Variants in HIRA observed in about 807,000 individuals in gnomAD.
The protein encoded by HIRA is histone cell cycle regulator, also known as protein HIRA.
HIRA carries 13 observed loss-of-function variants against 126.6 expected under a neutral mutation model. That is an observed-to-expected ratio of 0.10 (90% confidence interval 0.07 to 0.16). The LOEUF (loss-of-function observed/expected upper bound fraction) is 0.16, where lower values mean the gene tolerates loss of function less well. Ranked by LOEUF, HIRA falls within the 10% of genes least tolerant of loss-of-function variation. The pLI is 1.00. For missense variants in HIRA, 834 were observed against 1,314.4 expected, an observed-to-expected ratio of 0.63 and a Z score of 5.65; for synonymous variants, 511 against 520.0, an observed-to-expected ratio of 0.98 and a Z score of 0.24.
At chr22:19,423,231 A>C (rs1362824431) in intron 1 of HIRA, among the ~76,000 whole-genome samples, 9 of 152,080 alleles carry the variant, frequency 5.9e-5, no homozygotes, top group Non-Finnish European at 1.2e-4. Context: ...CTGCCTCAGC[A>C]TTCCTCATCT....
Position 19,394,323 on chromosome 22 carries a change from T to C in HIRA, c.822+19A>G. 6.2e-7 allele frequency: 1 copy of C among 1,612,542 alleles called. No homozygotes were observed. Among genetic ancestry groups the C allele is most frequent in the African/African-American group, 1.3e-5 (1 of 75,026 alleles). On this transcript the variant is annotated intron_variant, in intron 8 of 24. Transcript: ENST00000263208. ...CTGAATCTTGGAGCCCATCTCCCTTTAGTTCCCTGGGCACTCACCACGACA... is the reference window on the plus strand; with the variant it reads ...CTGAATCTTGGAGCCCATCTCCCTTCAGTTCCCTGGGCACTCACCACGACA...
chr22:19,350,482 G>A (rs2088743940), intron 24 of HIRA, among the ~76,000 whole-genome samples: 1 of 152,132 alleles, frequency 6.6e-6, no homozygotes, highest in Non-Finnish European at 1.5e-5. Context: ...GGTGCCACAT[G>A]TTCATTATGC....
chr22:19,340,492 A>C (rs2088614982), intron 24 of HIRA, among the ~76,000 whole-genome samples: 1 of 152,200 alleles, frequency 6.6e-6, no homozygotes, highest in African/African-American at 2.4e-5. Context: ...CTGCTATTCA[A>C]CATTGTACTG....
chr22:19,351,468 AAC>A lies in HIRA; in HGVS notation c.2849-24_2849-23del. On this transcript the variant is annotated intron_variant, in intron 23 of 24. Transcript: ENST00000263208. This position sits in a 1 kb window ranked among gnomAD's most constrained non-coding sequence, Gnocchi z 4.8. ...AACCCTAATTACAGAAAAACAAACA[AAC>A]AACAACAACAAAAAACAAAACAGAA... 6.5e-7 allele frequency: 1 copy of A among 1,544,180 alleles called. No homozygotes were observed. The highest frequency in any genetic ancestry group is 8.9e-7 in the Non-Finnish European group (1 of 1,122,932).
rs138626591 is a variant in HIRA at position 19,392,367 on chromosome 22, C to A, written c.823-153G>T. ...TTCATCTTCCCGACCACCTATGAGG[C>A]ATCTGGCTGATGATGGAAAGGAAGC... On this transcript the variant is annotated intron_variant, in intron 8 of 24. Coordinates refer to ENST00000263208, the MANE Select transcript of HIRA (RefSeq NM_003325.4). Among the ~76,000 whole-genome samples, 231 of 152,372 alleles carry A rather than the reference C, an allele frequency of 1.5e-3. 1 individual carries two copies. Among genetic ancestry groups the A allele is most frequent in the African/African-American group, 5.4e-3 (226 of 41,586 alleles).
At chr22:19,335,151 G>A (rs553579867) in intron 24 of HIRA, among the ~76,000 whole-genome samples, 20 of 151,900 alleles carry the variant, frequency 1.3e-4, no homozygotes, top group South Asian at 2.1e-4. Flanking sequence ...CACTCCTGGC[G>A]TCTGTGATAC....
chr22:19,407,800 G>A (rs940679670), intron 3 of HIRA, among the ~76,000 whole-genome samples: 1 of 152,142 alleles, frequency 6.6e-6, no homozygotes, highest in East Asian at 1.9e-4. Context: ...CTGACTCTGC[G>A]CTTATAAGCT....
intron 17 of HIRA, among the ~76,000 whole-genome samples, chr22:19,360,428 T>A (rs1282704472): frequency 1.3e-5 from 2 of 152,208 alleles, no homozygotes; most frequent in African/African-American, 4.8e-5. Context: ...ACAAACCCTA[T>A]GGGTTCCTAC....
At chr22:19,394,206 A>G (rs2089205061) in intron 8 of HIRA, 136 bp downstream of exon 8, 1 of 1,083,358 alleles carries the variant, frequency 9.2e-7, no homozygotes, top group African/African-American at 1.6e-5. Context: ...AAAGTTTGCC[A>G]ATAAATCAAC....
At chr22:19,349,024 T>G (rs192154466) in intron 24 of HIRA, among the ~76,000 whole-genome samples, 3 of 152,072 alleles carry the variant, frequency 2.0e-5, no homozygotes, top group Admixed American at 1.3e-4. Context: ...CCTCAGGTGA[T>G]CCGCCCATCT....
intron 5 of HIRA, among the ~76,000 whole-genome samples, chr22:19,398,706 G>A (rs1263424972): frequency 6.6e-6 from 1 of 152,226 alleles, no homozygotes; most frequent in African/African-American, 2.4e-5. Flanking sequence ...GCCAGGTGCA[G>A]GGACTCACGT....
At chr22:19,418,017 T>G (rs908588338) in intron 1 of HIRA, among the ~76,000 whole-genome samples, 6 of 152,266 alleles carry the variant, frequency 3.9e-5, no homozygotes, top group Non-Finnish European at 7.3e-5. Flanking sequence ...TCCACTTATA[T>G]GAGCTATCTA....
chr22:19,397,219 C>T (rs2089231397), intron 6 of HIRA, among the ~76,000 whole-genome samples: 1 of 152,208 alleles, frequency 6.6e-6, no homozygotes, highest in Non-Finnish European at 1.5e-5. Context: ...GGCTGCCCTT[C>T]CTGGGCTGTG....
At chr22:19,399,404 T>A (rs1032348643) in intron 5 of HIRA, among the ~76,000 whole-genome samples, 1 of 152,130 alleles carries the variant, frequency 6.6e-6, no homozygotes, top group African/African-American at 2.4e-5. Flanking sequence ...ACATTTTGTA[T>A]TCTAAATGCC....
rs1322592822 is a variant in HIRA, at chr22:19,397,356, G to A, written c.494-409C>T. Among the ~76,000 whole-genome samples, 3 of 152,132 alleles carry A rather than the reference G, an allele frequency of 2.0e-5. No homozygotes were observed. In the East Asian group the frequency reaches 5.8e-4, roughly 29 times the overall value. Reference sequence around the variant, plus strand: ...GGCTGAAGACAAAGGTGTGTACGACGGTACCCCATATAGATCTGTAATCCA... The same window carrying A: ...GGCTGAAGACAAAGGTGTGTACGACAGTACCCCATATAGATCTGTAATCCA... On this transcript the variant is annotated intron_variant, in intron 6 of 24. Transcript: ENST00000263208.
At chr22:19,365,017 A>G (rs1250648066) in intron 15 of HIRA, among the ~76,000 whole-genome samples, 1 of 152,226 alleles carries the variant, frequency 6.6e-6, no homozygotes, top group Non-Finnish European at 1.5e-5. Flanking sequence ...TGGATAGAAG[A>G]TCAAACCAGC....
rs757767786 is a variant in HIRA at position 19,410,711 on chromosome 22, C to A, written c.100+5G>T. 1 of 1,611,166 alleles carries A rather than the reference C, an allele frequency of 6.2e-7. No homozygotes were observed. ...GCTTTCCCTTTCTTTATTCCATAAA[C>A]ATACCTTGTCCTCCAGTTGCGAACT... On this transcript the variant is annotated splice_donor_5th_base_variant and intron_variant, in intron 2 of 24. Coordinates refer to ENST00000263208, the MANE Select transcript of HIRA (RefSeq NM_003325.4).
In HIRA at chr22:19,383,616, G is replaced by T; in HGVS notation, c.1415+4C>A. ...AAGACCATGAAAGGGGAATGAACCA[G>T]TACCCAGTGTCCAGCTGTGCTATGC... On this transcript the variant is annotated splice_donor_region_variant and intron_variant, in intron 13 of 24. Transcript: ENST00000263208. The T allele has an allele frequency of 6.2e-7, 1 of 1,609,490 alleles. No individual in the cohort carries two copies. Among genetic ancestry groups the T allele is most frequent in the Non-Finnish European group, 8.5e-7 (1 of 1,175,846 alleles).
intron 24 of HIRA, among the ~76,000 whole-genome samples, chr22:19,348,617 T>C (rs1319618589): frequency 6.6e-6 from 1 of 151,830 alleles, no homozygotes; most frequent in East Asian, 1.9e-4. Flanking sequence ...TGCCTCAGCC[T>C]CCCAAGTAGC....
Sources: allele counts gnomAD v4.1 joint callset (sites outside exome capture counted in the v4.1 genomes callset), GRCh38; gene constraint gnomAD v4.1.1; non-coding constraint Gnocchi (gnomAD v3.1); transcripts MANE v1.5; gene names NCBI Gene and HGNC (gene_info 2026-07-23, HGNC 2026-07-21).